Variants in NHSL1 observed in about 807,000 individuals in gnomAD.
NHSL1 encodes the protein NHS-like protein 1.
NHSL1 carries 48 observed loss-of-function variants against 95.0 expected under a neutral mutation model. That is an observed-to-expected ratio of 0.51 (90% CI 0.40 to 0.64). The LOEUF (loss-of-function observed/expected upper bound fraction) is 0.64, where lower values mean the gene tolerates loss of function less well. NHSL1 is among the 30% of genes least tolerant of loss of function. NHSL1 has a pLI of 0.00. For synonymous variants in NHSL1, 783 were observed against 833.9 expected, an observed-to-expected ratio of 0.94 and a Z score of 1.05; for missense variants, 1,971 against 2,077.7, an observed-to-expected ratio of 0.95 and a Z score of 1.00.
chr6:138,681,374 T>C (rs1275665501), intron 1 of NHSL1, among the ~76,000 whole-genome samples: 2 of 152,226 alleles, frequency 1.3e-5, no homozygotes, highest in Admixed American at 1.3e-4. Context: ...TTTTTAACAA[T>C]GTGAATTACT....
In NHSL1 at chr6:138,429,748, G is replaced by A; in HGVS notation, c.4048C>T (p.Pro1350Ser). Residue 1350 changes from proline (P) to serine (S), a missense_variant, in exon 7 of 8, where the codon CCC becomes TCC. Pro to Ser is a moderately conservative substitution (Grantham distance 74). Around this residue, in one of 3 missense-constraint regions of NHSL1, gnomAD observed 146 missense variants for 206.3 expected, o/e 0.71. Transcript: ENST00000343505. The part of the protein sequence containing the change: ...GNDEVMTPSR[P>S]RTTEDLFAAI... ...GCAAAAAGGTCTTCTGTGGTCCTGG[G>A]TCGACTGGGGGTCATTACCTCATCA... The A allele has an allele frequency of 3.2e-6, 5 of 1,551,906 alleles. No homozygotes were observed. The highest frequency in any genetic ancestry group is 4.4e-6 in the Non-Finnish European group (5 of 1,147,018).
chr6:138,430,603 C>T lies in NHSL1; in HGVS notation c.3742G>A (p.Ala1248Thr), dbSNP rs576206382. 5.3e-4 allele frequency: 818 copies of T among 1,550,296 alleles called. 11 individuals are homozygous for T. The South Asian group carries it at 9.2e-3, about 17-fold the overall frequency. The change falls in exon 6 of 8, where the codon GCA (alanine) becomes ACA (threonine). Residue 1248 changes from alanine to threonine, a missense_variant. Around this residue, in one of 3 missense-constraint regions of NHSL1, gnomAD observed 1,602 missense variants for 1,654.5 expected, o/e 0.97. Transcript: ENST00000343505. The surrounding 1 kb of genome is among the most constrained non-coding windows in gnomAD (Gnocchi z 4.7). ...GTGGCATGAGAGCCAGCTTGGGCTG[C>T]AGAACTCTCTTTTGCCTCCCTGCTG... ...VHSREAKESS[A>T]AQAGSHATHP...
intron 5 of NHSL1, chr6:138,435,265 G>A (rs974405369): frequency 6.5e-6 from 1 of 154,754 alleles, no homozygotes; most frequent in African/African-American, 2.4e-5. Context: ...TCAACAATGA[G>A]TTTTGAGTGT....
At chr6:138,489,332 T>C (rs1171740428) in intron 2 of NHSL1, among the ~76,000 whole-genome samples, 2 of 152,178 alleles carry the variant, frequency 1.3e-5, no homozygotes, top group African/African-American at 2.4e-5. Flanking sequence ...ATGGCCTTTA[T>C]AGATGAGAAA....
At chr6:138,649,787 C>T (rs1785064887) in intron 1 of NHSL1, among the ~76,000 whole-genome samples, 1 of 152,068 alleles carries the variant, frequency 6.6e-6, no homozygotes, top group Non-Finnish European at 1.5e-5. Context: ...GGGGATCACG[C>T]CCTATTTACG....
In NHSL1 at chr6:138,423,351, T is replaced by A. The variant is rs1039288919; in HGVS notation, c.*730A>T. ...TTACCCACACTTCTAAAAATCAGGC[T>A]ACAATTGTGTGTATGTGGCTGCACA... On this transcript the variant is annotated 3_prime_UTR_variant, in exon 8 of 8. Transcript: ENST00000343505. The A allele has an allele frequency of 2.0e-5, 3 of 152,184 alleles. No homozygotes were observed. The highest frequency in any genetic ancestry group is 6.5e-5 in the Admixed American group (1 of 15,274). 9.4% of individuals were successfully genotyped at this position (152,184 alleles called of 1,614,324 possible).
chr6:138,582,016 C>T (rs1351568460), intron 1 of NHSL1, among the ~76,000 whole-genome samples: 1 of 151,642 alleles, frequency 6.6e-6, no homozygotes, highest in Admixed American at 6.6e-5. Flanking sequence ...CGAGCCTCCA[C>T]CTCCCAAGTA....
At chr6:138,665,035 G>A (rs1785277195) in intron 1 of NHSL1, among the ~76,000 whole-genome samples, 1 of 152,232 alleles carries the variant, frequency 6.6e-6, no homozygotes, top group Non-Finnish European at 1.5e-5. Context: ...CTAGCAAGTA[G>A]ACACATCATA....
Position 138,499,321 on chromosome 6 carries a change from G to A in NHSL1, c.-31C>T. 2.6e-6 allele frequency: 4 copies of A among 1,549,240 alleles called. No individual in the cohort carries two copies. The highest frequency in any genetic ancestry group is 3.5e-6 in the Non-Finnish European group (4 of 1,145,526). On this transcript the variant is annotated 5_prime_UTR_variant, in exon 1 of 8. Coordinates refer to ENST00000343505, the MANE Select transcript of NHSL1 (RefSeq NM_001144060.2). The stretch of plus-strand genomic sequence containing the variant: ...GGGCACCTACATAGAGCTTAGAAAT[G>A]TAAATCACATTAAAAGCTCAGCCCA...
intron 2 of NHSL1, among the ~76,000 whole-genome samples, chr6:138,476,219 C>T (rs370153260): frequency 1.0e-3 from 154 of 152,254 alleles, no homozygotes; most frequent in African/African-American, 3.6e-3. Context: ...GCACTATTCA[C>T]AACAGCAGAG....
At position 138,430,610 on chromosome 6, in the gene NHSL1, C is replaced by A. The variant is rs1379057684; in HGVS notation, c.3735G>T (p.Glu1245Asp). The change falls in exon 6 of 8, where the codon GAG (glutamate) becomes GAT (aspartate). Residue 1245 changes from glutamate (E) to aspartate (D), a missense_variant. By Grantham distance (45) the Glu-to-Asp change is conservative. Around this residue, in one of 3 missense-constraint regions of NHSL1, gnomAD observed 1,602 missense variants for 1,654.5 expected, o/e 0.97. Coordinates refer to ENST00000343505, the MANE Select transcript of NHSL1 (RefSeq NM_001144060.2). The surrounding 1 kb of genome is among the most constrained non-coding windows in gnomAD (Gnocchi z 4.7). ...GAGAGCCAGCTTGGGCTGCAGAACT[C>A]TCTTTTGCCTCCCTGCTGTGCACAG... is the stretch of plus-strand genomic sequence containing the variant. ...EGSVHSREAK[E>D]SSAAQAGSHA... 4 of 1,550,680 alleles carry A rather than the reference C, an allele frequency of 2.6e-6. No individual in the cohort carries two copies. Among genetic ancestry groups the A allele is most frequent in the Non-Finnish European group, 3.5e-6 (4 of 1,146,240 alleles).
chr6:138,547,923 A>G (rs1782863895), upstream of NHSL1, among the ~76,000 whole-genome samples: 1 of 152,212 alleles, frequency 6.6e-6, no homozygotes, highest in African/African-American at 2.4e-5. Context: ...AAATATTTTC[A>G]TGGGTTACAT....
chr6:138,605,916 G>A (rs113976903), intron 1 of NHSL1, among the ~76,000 whole-genome samples: 2,606 of 152,308 alleles, frequency 0.017, 41 homozygotes, highest in Middle Eastern at 0.037. Flanking sequence ...TGGGGTTTAT[G>A]TAATATCCTT....
chr6:138,439,233 G>A lies in NHSL1; in HGVS notation c.664+2750C>T, dbSNP rs112976430. Among the ~76,000 whole-genome samples the A allele has an allele frequency of 1.9e-3, 285 of 152,228 alleles. 4 individuals carry two copies. The highest frequency in any genetic ancestry group is 6.6e-3 in the African/African-American group (276 of 41,552). On this transcript the variant is annotated intron_variant, in intron 5 of 7. Coordinates refer to ENST00000343505, the MANE Select transcript of NHSL1 (RefSeq NM_001144060.2). ...AAAAATCCAAAGCCGCTGGCAACTT[G>A]GGCAACATCTTTTGGACAGGGTGCA...
chr6:138,483,153 G>A (rs550523929), intron 2 of NHSL1, among the ~76,000 whole-genome samples: 12 of 152,292 alleles, frequency 7.9e-5, no homozygotes, highest in Admixed American at 7.8e-4. Context: ...TTAGGGTGGA[G>A]GTAAAAGTGA....
At chr6:138,610,041 T>G (rs1784487827) in intron 1 of NHSL1, among the ~76,000 whole-genome samples, 2 of 152,106 alleles carry the variant, frequency 1.3e-5, no homozygotes, top group Non-Finnish European at 2.9e-5. Context: ...CTCACTTTTC[T>G]TCCCCATAAC....
chr6:138,654,976 A>G (rs531230831), intron 1 of NHSL1, among the ~76,000 whole-genome samples: 93 of 152,306 alleles, frequency 6.1e-4, no homozygotes, highest in Non-Finnish European at 1.1e-3. Flanking sequence ...GATTTTTAAG[A>G]ATTTATTTCC....
At chr6:138,506,443 A>C (rs1288454439) in intron 1 of NHSL1, among the ~76,000 whole-genome samples, 8 of 152,242 alleles carry the variant, frequency 5.3e-5, no homozygotes, top group Non-Finnish European at 7.4e-5. Context: ...TAAATGTGTA[A>C]ATAAAATGGC....
upstream of NHSL1, among the ~76,000 whole-genome samples, chr6:138,504,323 A>G (rs981011724): frequency 1.3e-5 from 2 of 152,208 alleles, no homozygotes; most frequent in East Asian, 3.8e-4. Flanking sequence ...ATCAAACATG[A>G]TCATTGACCT....
Sources: allele counts gnomAD v4.1 joint callset (sites outside exome capture counted in the v4.1 genomes callset), GRCh38; gene constraint gnomAD v4.1.1; regional missense constraint gnomAD v4.1.1; non-coding constraint Gnocchi (gnomAD v3.1); transcripts MANE v1.5; gene names NCBI Gene and HGNC (gene_info 2026-07-23, HGNC 2026-07-21).